SORCS3: variants seen among roughly 807,000 people sequenced by gnomAD.
The protein encoded by SORCS3 is sortilin related VPS10 domain containing receptor 3, also known as VPS10 domain-containing receptor SorCS3.
Under a neutral mutation model 146.3 loss-of-function variants are expected in SORCS3, and 57 were observed. The ratio of observed to expected loss-of-function variants is 0.39; its 90% CI spans 0.31 to 0.49. The LOEUF is 0.49. Among genes scored for constraint, SORCS3 ranks in the 20% least tolerant of loss-of-function variants. The pLI, the probability that SORCS3 is intolerant of heterozygous loss-of-function variation, is 0.92. For missense variants in SORCS3, 1,341 were observed against 1,575.5 expected (o/e 0.85, Z 2.52); for synonymous variants, 653 against 618.5 (o/e 1.06, Z -0.83).
At chr10:104,753,206 C>A (rs1301703221) in intron 1 of SORCS3, among the ~76,000 whole-genome samples, 1 of 152,122 alleles carries the variant, frequency 6.6e-6, no homozygotes, top group African/African-American at 2.4e-5. Context: ...TTGGGTCTTC[C>A]CCACAGAAGA....
At chr10:104,925,931 T>C (rs1369839018) in intron 3 of SORCS3, among the ~76,000 whole-genome samples, 1 of 152,186 alleles carries the variant, frequency 6.6e-6, no homozygotes, top group Admixed American at 6.5e-5. Context: ...AAAGAACATA[T>C]CTAGGAAAAA....
chr10:104,972,186 C>T (rs893777514), intron 3 of SORCS3, among the ~76,000 whole-genome samples: 1 of 151,850 alleles, frequency 6.6e-6, no homozygotes, highest in Non-Finnish European at 1.5e-5. Context: ...TAAAAAACAA[C>T]AAAAAAAGAA....
chr10:105,139,580 T>C, intron 8 of SORCS3, 94 bp downstream of exon 8: 2 of 935,424 alleles, frequency 2.1e-6, no homozygotes, highest in East Asian at 2.5e-5. Context: ...TTTTATCTGT[T>C]TGGAAGGACT....
At chr10:104,768,675 G>C (rs570684477) in intron 1 of SORCS3, among the ~76,000 whole-genome samples, 1 of 152,332 alleles carries the variant, frequency 6.6e-6, no homozygotes, top group African/African-American at 2.4e-5. Flanking sequence ...TTCAGTGTTT[G>C]TTCAGCTTCT....
At chr10:104,875,670 C>T (rs192630046) in intron 2 of SORCS3, among the ~76,000 whole-genome samples, 135 of 152,256 alleles carry the variant, frequency 8.9e-4, no homozygotes, top group African/African-American at 3.1e-3. Flanking sequence ...CCCAGCTGCT[C>T]TAATGAAATT....
At chr10:105,008,708 G>C (rs1042123731) in intron 4 of SORCS3, among the ~76,000 whole-genome samples, 1 of 152,126 alleles carries the variant, frequency 6.6e-6, no homozygotes, top group Non-Finnish European at 1.5e-5. Flanking sequence ...GTGCAGTGGC[G>C]CCATCTCAAG....
intron 1 of SORCS3, among the ~76,000 whole-genome samples, chr10:104,723,690 TAG>T (rs2016581788): frequency 6.6e-6 from 1 of 152,272 alleles, no homozygotes; most frequent in African/African-American, 2.4e-5. Context: ...ATATTTAGGA[TAG>T]TTAGCTCTTC....
At chr10:104,957,287 G>A (rs572065297) in intron 3 of SORCS3, among the ~76,000 whole-genome samples, 1 of 152,110 alleles carries the variant, frequency 6.6e-6, no homozygotes, top group Non-Finnish European at 1.5e-5. Context: ...CAACTCTCTG[G>A]TGTTCCTCTG....
At chr10:104,953,371 A>T (rs2019453598) in intron 3 of SORCS3, among the ~76,000 whole-genome samples, 1 of 152,218 alleles carries the variant, frequency 6.6e-6, no homozygotes, top group Non-Finnish European at 1.5e-5. Context: ...AAGAAAAATG[A>T]TGTCCTTGCT....
chr10:104,722,898 T>C (rs559922134), intron 1 of SORCS3, among the ~76,000 whole-genome samples: 1 of 152,364 alleles, frequency 6.6e-6, no homozygotes, highest in African/African-American at 2.4e-5. Context: ...GCTAGCGGTC[T>C]ATCAATTTTG....
intron 4 of SORCS3, among the ~76,000 whole-genome samples, chr10:104,999,609 G>C (rs1179490657): frequency 6.6e-6 from 1 of 152,050 alleles, no homozygotes; most frequent in Admixed American, 6.6e-5. Flanking sequence ...TCTTATGGAG[G>C]TTGAGCATCT....
intron 8 of SORCS3, among the ~76,000 whole-genome samples, chr10:105,144,941 G>A (rs1427241037): frequency 6.6e-6 from 1 of 152,078 alleles, no homozygotes; most frequent in South Asian, 2.1e-4. Context: ...TTTAGACAAA[G>A]GTTATATATT....
chr10:104,666,848 C>T (rs1157281016), intron 1 of SORCS3, among the ~76,000 whole-genome samples: 2 of 152,032 alleles, frequency 1.3e-5, no homozygotes, highest in Non-Finnish European at 2.9e-5. Flanking sequence ...ATATGCATTT[C>T]TTATTTCATC....
intron 3 of SORCS3, among the ~76,000 whole-genome samples, chr10:104,945,766 GCA>G (rs57491796): frequency 0.1 from 15,498 of 151,298 alleles, 883 homozygotes; most frequent in South Asian, 0.26. Context: ...AATTAAGCAT[GCA>G]CACACATACA....
At chr10:105,243,138 A>G (rs1429438902) in intron 20 of SORCS3, among the ~76,000 whole-genome samples, 1 of 148,544 alleles carries the variant, frequency 6.7e-6, no homozygotes, top group Non-Finnish European at 1.5e-5. Flanking sequence ...TAACGAATGT[A>G]GCAAAGGTAA....
At chr10:104,723,586 GT>G (rs767719023) in intron 1 of SORCS3, among the ~76,000 whole-genome samples, 116 of 152,288 alleles carry the variant, frequency 7.6e-4, no homozygotes, top group Non-Finnish European at 1.1e-3. Context: ...GGGTGTTAAA[GT>G]CTCCCATTAT....
At chr10:105,109,253 TTAAAA>T (rs1368969792) in intron 7 of SORCS3, among the ~76,000 whole-genome samples, 12 of 152,308 alleles carry the variant, frequency 7.9e-5, no homozygotes, top group Admixed American at 7.8e-4. Context: ...TCTTACTGCC[TTAAAA>T]TATAATTCTG....
intron 14 of SORCS3, among the ~76,000 whole-genome samples, chr10:105,178,802 CT>C (rs1321121619): frequency 6.6e-6 from 1 of 152,154 alleles, no homozygotes; most frequent in African/African-American, 2.4e-5. Context: ...CCCACCTCCC[CT>C]ACTCCCATTT....
At position 105,214,499 on chromosome 10, in the gene SORCS3, C is replaced by T; in HGVS notation, c.2433C>T (p.Ala811=). ...CTDGLREKYT[A]KAQMCPGKAP... ...ATGGGCTAAGGGAGAAGTACACCGC[C>T]AAGGCCCAGATGTGCCCTGGAAAAG... Residue 811 remains alanine (A), a synonymous_variant, in exon 18 of 27, where the codon GCC becomes GCT. Coordinates refer to ENST00000369701, the MANE Select transcript of SORCS3 (RefSeq NM_014978.3). 1 of 1,614,192 alleles carries T rather than the reference C, an allele frequency of 6.2e-7. No homozygotes were observed. The highest frequency in any genetic ancestry group is 8.5e-7 in the Non-Finnish European group (1 of 1,180,018).
Sources: allele counts gnomAD v4.1 joint callset (sites outside exome capture counted in the v4.1 genomes callset), GRCh38; gene constraint gnomAD v4.1.1; transcripts MANE v1.5; gene names NCBI Gene and HGNC (gene_info 2026-07-23, HGNC 2026-07-21).